SVIP: variants seen among roughly 807,000 people sequenced by gnomAD.
SVIP encodes small VCP interacting protein.
In SVIP, 14 loss-of-function variants were observed where a neutral mutation model predicts 12.9. The ratio of observed to expected loss-of-function variants is 1.08; its 90% CI spans 0.72 to 1.70. SVIP has a LOEUF of 1.70. SVIP is among the 40% of genes most tolerant of loss of function. SVIP has a pLI of 0.00. For synonymous variants in SVIP, 35 were observed against 33.3 expected (o/e 1.05, Z -0.17); for missense variants, 93 against 90.8 (o/e 1.02, Z -0.10).
At chr11:22,827,345 CAGAA>C (rs1274364728) in intron 2 of SVIP, 25 bp from the exon 3 acceptor site, 7 of 1,569,074 alleles carry the variant, frequency 4.5e-6, no homozygotes, top group Non-Finnish European at 5.2e-6. Context: ...ATAAGAAAAA[CAGAA>C]AGACAACAAA....
chr11:22,823,920 G>A (rs1417101965), intron 3 of SVIP, among the ~76,000 whole-genome samples: 3 of 151,992 alleles, frequency 2.0e-5, no homozygotes, highest in Admixed American at 6.6e-5. Context: ...ACAGGGTCTC[G>A]CTATGTTGCC....
chr11:22,819,768 A>G lies in SVIP; in HGVS notation c.*3351T>C, dbSNP rs1213886345. ...ACCTGGGCAACAAGAGTGAAACTCCATCTCAAAAAACAAAACAAAACCAAA... is the reference window on the plus strand; with the variant it reads ...ACCTGGGCAACAAGAGTGAAACTCCGTCTCAAAAAACAAAACAAAACCAAA... On this transcript the variant is annotated 3_prime_UTR_variant, in exon 4 of 4. Transcript: ENST00000354193. 6.5e-6 allele frequency: 1 copy of G among 152,844 alleles called. No homozygotes were observed. The highest frequency in any genetic ancestry group is 1.5e-5 in the Non-Finnish European group (1 of 68,538). The allele number at this position is 152,844 out of a possible 1,614,324, so 9.5% of individuals were successfully genotyped here.
At chr11:22,827,640 TAATATA>T (rs777159505) in intron 2 of SVIP, among the ~76,000 whole-genome samples, 178 bp downstream of exon 2, 18 of 152,150 alleles carry the variant, frequency 1.2e-4, no homozygotes, top group South Asian at 2.1e-4. Context: ...TTTCATATAT[TAATATA>T]AATATATTAA....
At position 22,823,108 on chromosome 11, in the gene SVIP, C is replaced by T. The variant is rs1412605080; in HGVS notation, c.*11G>A. ...GTTATTGGCAGTAGATTCTTCTACT[C>T]ATGTTATGCTTTATGAAACTGTCCA... On this transcript the variant is annotated 3_prime_UTR_variant, in exon 4 of 4. Coordinates refer to ENST00000354193, the MANE Select transcript of SVIP (RefSeq NM_148893.3). 1.9e-6 allele frequency: 3 copies of T among 1,585,258 alleles called. No homozygotes were observed. Among genetic ancestry groups the T allele is most frequent in the Admixed American group, 3.6e-5 (2 of 54,984 alleles).
At position 22,822,734 on chromosome 11, in the gene SVIP, G is replaced by T; in HGVS notation, c.*385C>A. The T allele has an allele frequency of 6.1e-6, 1 of 165,060 alleles. No homozygotes were observed. The highest frequency in any genetic ancestry group is 1.3e-5 in the Non-Finnish European group (1 of 76,546). 10.2% of individuals were successfully genotyped at this position (165,060 alleles called of 1,614,324 possible). A position where few individuals can be genotyped will look rare whatever the true frequency, so the allele number is the denominator to read the frequency against. ...AGTGAAATAAAAACAGATGTAACGC[G>T]ATGCAGCACAAATATAAGTAGTTAG... On this transcript the variant is annotated 3_prime_UTR_variant, in exon 4 of 4. Transcript: ENST00000354193.
intron 3 of SVIP, among the ~76,000 whole-genome samples, chr11:22,824,304 T>A (rs2134750434): frequency 1.3e-5 from 2 of 152,052 alleles, no homozygotes; most frequent in South Asian, 4.2e-4. Flanking sequence ...CCCCTTTGTT[T>A]AATGAAGTCT....
At position 22,821,859 on chromosome 11, in the gene SVIP, T is replaced by G. The variant is rs1223338858; in HGVS notation, c.*1260A>C. Reference sequence around the variant, plus strand: ...ATATAATAGTTCAAACTTTTAAAAATTAACATGTACAATACACTGCAGTAT... The same window carrying G: ...ATATAATAGTTCAAACTTTTAAAAAGTAACATGTACAATACACTGCAGTAT... On this transcript the variant is annotated 3_prime_UTR_variant, in exon 4 of 4. Transcript: ENST00000354193. 1 of 152,150 alleles carries G rather than the reference T, an allele frequency of 6.6e-6. No individual in the cohort carries two copies. Among genetic ancestry groups the G allele is most frequent in the Admixed American group, 6.5e-5 (1 of 15,276 alleles). The allele number at this position is 152,150 out of a possible 1,614,324, so 9.4% of individuals were successfully genotyped here. A position where few individuals can be genotyped will look rare whatever the true frequency, so the allele number is the denominator to read the frequency against.
intron 2 of SVIP, among the ~76,000 whole-genome samples, 164 bp from the exon 3 acceptor site, chr11:22,827,484 ACAT>A (rs1282365246): frequency 1.3e-5 from 2 of 152,078 alleles, no homozygotes; most frequent in Admixed American, 6.5e-5. Flanking sequence ...CTTACATAAA[ACAT>A]CATTTCTTCA....
intron 3 of SVIP, among the ~76,000 whole-genome samples, chr11:22,823,746 T>C (rs896744325): frequency 4.6e-5 from 7 of 152,334 alleles, no homozygotes; most frequent in African/African-American, 9.6e-5. Context: ...TGGGATTTTC[T>C]TGAGACAGGG....
rs1249799707 is a variant in SVIP at position 22,820,092 on chromosome 11, G to A, written c.*3027C>T. ...ACAATACTATATTTGAATTAGCTTA[G>A]AGCATGTTTAGTAGTTAAGAGAATT... On this transcript the variant is annotated 3_prime_UTR_variant, in exon 4 of 4. Coordinates refer to ENST00000354193, the MANE Select transcript of SVIP (RefSeq NM_148893.3). The A allele has an allele frequency of 3.3e-5, 5 of 152,174 alleles. No individual in the cohort carries two copies. The highest frequency in any genetic ancestry group is 6.5e-5 in the Admixed American group (1 of 15,274). 9.4% of individuals were successfully genotyped at this position (152,174 alleles called of 1,614,324 possible).
Position 22,823,142 on chromosome 11 carries a change from G to A in SVIP, c.220-9C>T. On this transcript the variant is annotated splice_polypyrimidine_tract_variant and intron_variant, in intron 3 of 3. Coordinates refer to ENST00000354193, the MANE Select transcript of SVIP (RefSeq NM_148893.3). ...CTTTATGAAACTGTCCACTAGAAAA[G>A]ATAAAAAAGAGACAGAAAAGTAAAT... 6.3e-7 allele frequency: 1 copy of A among 1,584,786 alleles called. No homozygotes were observed. Among genetic ancestry groups the A allele is most frequent in the Non-Finnish European group, 8.6e-7 (1 of 1,164,430 alleles).
At position 22,821,767 on chromosome 11, in the gene SVIP, T is replaced by G. The variant is rs1215820939; in HGVS notation, c.*1352A>C. 1 of 152,310 alleles carries G rather than the reference T, an allele frequency of 6.6e-6. No homozygotes were observed. Among genetic ancestry groups the G allele is most frequent in the African/African-American group, 2.4e-5 (1 of 41,576 alleles). 9.4% of individuals were successfully genotyped at this position (152,310 alleles called of 1,614,324 possible). Reference sequence around the variant, plus strand: ...CAAATTGTTATGTTTTGCCTAGATATTCACACAATATTTCACACCATAATA... The same window carrying G: ...CAAATTGTTATGTTTTGCCTAGATAGTCACACAATATTTCACACCATAATA... On this transcript the variant is annotated 3_prime_UTR_variant, in exon 4 of 4. Transcript: ENST00000354193.
chr11:22,827,756 G>A, intron 2 of SVIP, 68 bp downstream of exon 2: 1 of 1,274,912 alleles, frequency 7.8e-7, no homozygotes, highest in Admixed American at 2.3e-5. Flanking sequence ...ATCTAGCTAT[G>A]GACATCTATG....
intron 3 of SVIP, among the ~76,000 whole-genome samples, chr11:22,824,057 A>G (rs148743663): frequency 0.013 from 1,989 of 152,262 alleles, 27 homozygotes; most frequent in Non-Finnish European, 0.019. Flanking sequence ...CAAATGTTAC[A>G]TGCATGAGTA....
chr11:22,827,787 ATT>A (rs1770974104), intron 2 of SVIP, 35 bp downstream of exon 2: 2 of 1,544,350 alleles, frequency 1.3e-6, no homozygotes, highest in African/African-American at 2.8e-5. Context: ...TCCAAACTCA[ATT>A]ATCTAAGTAG....
intron 3 of SVIP, among the ~76,000 whole-genome samples, chr11:22,824,545 T>G (rs2134753032): frequency 6.6e-6 from 1 of 150,602 alleles, no homozygotes; most frequent in South Asian, 2.1e-4. Context: ...TTAAATAAAT[T>G]TTCAACATTA....
intron 3 of SVIP, among the ~76,000 whole-genome samples, chr11:22,826,503 C>T (rs1312056966): frequency 1.3e-5 from 2 of 151,988 alleles, no homozygotes; most frequent in Non-Finnish European, 2.9e-5. Flanking sequence ...AAAAATGGAC[C>T]AAGAATAAAT....
intron 3 of SVIP, among the ~76,000 whole-genome samples, chr11:22,824,463 C>CGTATTTTATATATATGTGTGTGT (rs1564905965): frequency 8.7e-6 from 1 of 115,100 alleles, no homozygotes; most frequent in Non-Finnish European, 2.0e-5. Flanking sequence ...TATATATACA[C>CGTATTTTATATATATGTGTGTGT]ATATATATAC....
At position 22,823,047 on chromosome 11, in the gene SVIP, A is replaced by G; in HGVS notation, c.*72T>C. ...TCATTTACTCAAAGAGAAGAAATTA[A>G]ATTGATGAAGCCCACTTGATTGCAG... On this transcript the variant is annotated 3_prime_UTR_variant, in exon 4 of 4. Coordinates refer to ENST00000354193, the MANE Select transcript of SVIP (RefSeq NM_148893.3). The G allele has an allele frequency of 7.6e-7, 1 of 1,316,130 alleles. No homozygotes were observed. The highest frequency in any genetic ancestry group is 1.0e-6 in the Non-Finnish European group (1 of 952,730). The allele number at this position is 1,316,130 out of a possible 1,614,324, so 81.5% of individuals were successfully genotyped here.
Sources: allele counts gnomAD v4.1 joint callset (sites outside exome capture counted in the v4.1 genomes callset), GRCh38; gene constraint gnomAD v4.1.1; transcripts MANE v1.5; gene names NCBI Gene and HGNC (gene_info 2026-07-23, HGNC 2026-07-21).